The following SHE variants were observed in gnomAD, a reference collection of about 807,000 sequenced individuals.
SHE encodes the protein Src homology 2 domain containing E.
SHE carries 11 observed loss-of-function variants against 49.8 expected under a neutral mutation model. The ratio of observed to expected loss-of-function variants is 0.22; its 90% CI spans 0.14 to 0.37. The LOEUF (loss-of-function observed/expected upper bound fraction) is 0.37. SHE is among the 10% of genes least tolerant of loss of function. SHE has a pLI of 1.00. For synonymous variants in SHE, 310 were observed against 278.1 expected (o/e 1.11, Z -1.14); for missense variants, 624 against 655.5 (o/e 0.95, Z 0.52).
chr1:154,488,101 C>T (rs1423265184), intron 3 of SHE, among the ~76,000 whole-genome samples: 2 of 150,606 alleles, frequency 1.3e-5, no homozygotes, highest in Non-Finnish European at 3.0e-5. Context: ...TGCCACAACA[C>T]CCAGGTATTT....
At chr1:154,491,732 C>T (rs544723542) in intron 2 of SHE, among the ~76,000 whole-genome samples, 14 of 152,306 alleles carry the variant, frequency 9.2e-5, no homozygotes, top group African/African-American at 3.1e-4. Flanking sequence ...TCAAGAATGT[C>T]TCCAGGCAGG....
At position 154,483,414 on chromosome 1, in the gene SHE, C is replaced by T; in HGVS notation, c.*735G>A. 1.0e-6 allele frequency: 1 copy of T among 985,338 alleles called. No individual in the cohort carries two copies. Among genetic ancestry groups the T allele is most frequent in the Non-Finnish European group, 1.2e-6 (1 of 829,920 alleles). The allele number at this position is 985,338 out of a possible 1,614,324, so 61.0% of individuals were successfully genotyped here. On this transcript the variant is annotated 3_prime_UTR_variant, in exon 6 of 6. Coordinates refer to ENST00000304760, the MANE Select transcript of SHE (RefSeq NM_001010846.3). Reference sequence around the variant, plus strand: ...TCATTCATTTCCCCAATAACGAGTCCAATATAACATCCTCTTCCAGTCTGC... The same window carrying T: ...TCATTCATTTCCCCAATAACGAGTCTAATATAACATCCTCTTCCAGTCTGC...
intron 1 of SHE, among the ~76,000 whole-genome samples, chr1:154,470,950 C>T (rs1691727255): frequency 6.6e-6 from 1 of 150,802 alleles, no homozygotes. Context: ...GCGGAGGTTT[C>T]AGTGAGCTGA....
At chr1:154,478,538 G>A (rs1179300411), downstream of SHE, among the ~76,000 whole-genome samples, 8 of 151,574 alleles carry the variant, frequency 5.3e-5, no homozygotes, top group African/African-American at 1.9e-4. Flanking sequence ...CTAAGCACCC[G>A]TGTTTTTATC....
At position 154,482,469 on chromosome 1, in the gene SHE, G is replaced by C. The variant is rs1461261160; in HGVS notation, c.*1680C>G. On this transcript the variant is annotated 3_prime_UTR_variant, in exon 6 of 6. Coordinates refer to ENST00000304760, the MANE Select transcript of SHE (RefSeq NM_001010846.3). ...TAAATCTTACAGTCAAATGTAACTA[G>C]TAACTACAAAGGTATACTTTCCTAA... 1 of 985,130 alleles carries C rather than the reference G, an allele frequency of 1.0e-6. No individual in the cohort carries two copies. The highest frequency in any genetic ancestry group is 1.2e-6 in the Non-Finnish European group (1 of 829,830). 61.0% of individuals were successfully genotyped at this position (985,130 alleles called of 1,614,324 possible). A position where few individuals can be genotyped will look rare whatever the true frequency, so the allele number is the denominator to read the frequency against.
At position 154,484,059 on chromosome 1, in the gene SHE, G is replaced by A; in HGVS notation, c.*90C>T. 6.7e-7 allele frequency: 1 copy of A among 1,496,808 alleles called. No homozygotes were observed. The highest frequency in any genetic ancestry group is 8.9e-7 in the Non-Finnish European group (1 of 1,120,902). 92.7% of individuals were successfully genotyped at this position (1,496,808 alleles called of 1,614,324 possible). A position where few individuals can be genotyped will look rare whatever the true frequency, so the allele number is the denominator to read the frequency against. On this transcript the variant is annotated 3_prime_UTR_variant, in exon 6 of 6. Coordinates refer to ENST00000304760, the MANE Select transcript of SHE (RefSeq NM_001010846.3). ...GGAAGACTCCCATTTTCTAGCAGTT[G>A]CTAGTCCAGCCTTGTCCTCTGAGAT...
At chr1:154,497,679 T>C (rs1412793717) in intron 2 of SHE, among the ~76,000 whole-genome samples, 1 of 152,158 alleles carries the variant, frequency 6.6e-6, no homozygotes, top group South Asian at 2.1e-4. Flanking sequence ...ATGATTTTTT[T>C]TTCTTTTCTT....
intron 3 of SHE, among the ~76,000 whole-genome samples, chr1:154,488,175 T>G (rs1245632726): frequency 6.6e-6 from 1 of 151,988 alleles, no homozygotes; most frequent in Non-Finnish European, 1.5e-5. Context: ...GCTCTTGACC[T>G]CATGATCTGC....
intron 4 of SHE, 34 bp from the exon 5 acceptor site, chr1:154,486,096 A>C: frequency 6.2e-7 from 1 of 1,601,136 alleles, no homozygotes. Flanking sequence ...GGAAAGCACC[A>C]TGAGTGTCAA....
exon 2 of SHE, chr1:154,470,267 G>A (rs955141848): frequency 1.7e-5 from 21 of 1,261,224 alleles, no homozygotes; most frequent in Non-Finnish European, 2.2e-5. Flanking sequence ...GCCAGGACGT[G>A]GAGGGAGCTG....
intron 2 of SHE, among the ~76,000 whole-genome samples, chr1:154,489,665 A>G (rs1692304442): frequency 1.3e-5 from 2 of 152,246 alleles, no homozygotes; most frequent in African/African-American, 4.8e-5. Context: ...GCAGTTTGTA[A>G]GTAGTGGCCT....
chr1:154,501,652 G>A lies in SHE; in HGVS notation c.375C>T (p.Ala125=). The A allele has an allele frequency of 6.2e-7, 1 of 1,614,104 alleles. No homozygotes were observed. Among genetic ancestry groups the A allele is most frequent in the Non-Finnish European group, 8.5e-7 (1 of 1,180,008 alleles). ...AAGKGRKNSR[A]TEEEPHRGAT... is the part of the protein sequence containing the mutation. ...CACCCCGGTGGGGCTCCTCCTCCGTGGCCCGGGAGTTTTTGCGGCCCTTGC... is the reference window on the plus strand; with the variant it reads ...CACCCCGGTGGGGCTCCTCCTCCGTAGCCCGGGAGTTTTTGCGGCCCTTGC... Residue 125 remains alanine (A), a synonymous_variant, in exon 1 of 6, where the codon GCC becomes GCT. Transcript: ENST00000304760.
chr1:154,471,809 G>GA (rs554136592), intron 1 of SHE, among the ~76,000 whole-genome samples: 23 of 151,738 alleles, frequency 1.5e-4, no homozygotes, highest in East Asian at 3.9e-4. Flanking sequence ...CCAATGTCCT[G>GA]AAAAAAAATA....
At chr1:154,494,019 T>G (rs1692449487) in intron 2 of SHE, among the ~76,000 whole-genome samples, 1 of 152,216 alleles carries the variant, frequency 6.6e-6, no homozygotes, top group Non-Finnish European at 1.5e-5. Flanking sequence ...ACGTAAAATG[T>G]TAATTCCAAT....
intron 2 of SHE, among the ~76,000 whole-genome samples, chr1:154,495,305 A>G (rs572249194): frequency 1.4e-4 from 22 of 152,362 alleles, no homozygotes; most frequent in Non-Finnish European, 2.8e-4. Context: ...TATCTTAGCT[A>G]GAATATTTAG....
chr1:154,487,250 G>A (rs530180005), intron 3 of SHE, among the ~76,000 whole-genome samples: 5 of 143,622 alleles, frequency 3.5e-5, no homozygotes, highest in African/African-American at 1.0e-4. Flanking sequence ...CCACCCTGGC[G>A]ACAGGGTGAG....
chr1:154,484,546 C>T (rs1692112765), intron 5 of SHE: 1 of 478,158 alleles, frequency 2.1e-6, no homozygotes, highest in Non-Finnish European at 3.7e-6. Flanking sequence ...TTATCCTTAT[C>T]ACATATGAGT....
intron 2 of SHE, among the ~76,000 whole-genome samples, chr1:154,491,955 G>A (rs73018290): frequency 0.029 from 4,383 of 152,164 alleles, 215 homozygotes; most frequent in African/African-American, 0.1. Flanking sequence ...AGAGGCTCAG[G>A]AGACCGCAGG....
Position 154,481,264 on chromosome 1 carries a change from A to C in SHE, c.*2885T>G, listed in dbSNP as rs949679180. ...CCTGGCTTTTGTCAGCTTGTGTCAC[A>C]ACCTCAAGAAGAAAATAGCTCACTA... On this transcript the variant is annotated 3_prime_UTR_variant, in exon 6 of 6. Coordinates refer to ENST00000304760, the MANE Select transcript of SHE (RefSeq NM_001010846.3). 1.0e-6 allele frequency: 1 copy of C among 985,326 alleles called. No homozygotes were observed. Among genetic ancestry groups the C allele is most frequent in the African/African-American group, 1.7e-5 (1 of 57,236 alleles). The allele number at this position is 985,326 out of a possible 1,614,324, so 61.0% of individuals were successfully genotyped here. A position where few individuals can be genotyped will look rare whatever the true frequency, so the allele number is the denominator to read the frequency against.
Sources: allele counts gnomAD v4.1 joint callset (sites outside exome capture counted in the v4.1 genomes callset), GRCh38; gene constraint gnomAD v4.1.1; transcripts MANE v1.5; gene names NCBI Gene and HGNC (gene_info 2026-07-23, HGNC 2026-07-21).